Variants in LRP6 observed in about 807,000 individuals in gnomAD.
LRP6 encodes the protein LDL receptor related protein 6.
In LRP6, 43 loss-of-function variants were observed where a neutral mutation model predicts 184.1. The observed-to-expected ratio is 0.23, with a 90% CI of 0.18 to 0.30. The LOEUF is 0.30. Among genes scored for constraint, LRP6 ranks in the 10% least tolerant of loss-of-function variants. The probability of loss-of-function intolerance (pLI) is 1.00; values close to 1 mark genes in which losing one functional copy is unlikely to be tolerated. For missense variants in LRP6, 1,571 were observed against 2,005.3 expected (o/e 0.78, Z 4.14); for synonymous variants, 719 against 684.9 (o/e 1.05, Z -0.78).
intron 7 of LRP6, among the ~76,000 whole-genome samples, chr12:12,167,980 C>A (rs1033103549): frequency 2.0e-5 from 3 of 152,128 alleles, no homozygotes; most frequent in Non-Finnish European, 4.4e-5. Flanking sequence ...CAGCTACAGC[C>A]TCCCATTTCC....
intron 6 of LRP6, 152 bp downstream of exon 6, chr12:12,180,891 G>A (rs1863327818): frequency 1.3e-6 from 1 of 783,384 alleles, no homozygotes; most frequent in Non-Finnish European, 2.1e-6. Flanking sequence ...ACTTGAGATT[G>A]TATTCTAATC....
At chr12:12,161,206 A>G (rs746154099) in intron 10 of LRP6, among the ~76,000 whole-genome samples, 2 of 152,220 alleles carry the variant, frequency 1.3e-5, no homozygotes, top group African/African-American at 2.4e-5. Context: ...AATCAATGTC[A>G]CTTCAGGGAA....
chr12:12,145,137 T>A (rs1369737038), intron 15 of LRP6, among the ~76,000 whole-genome samples: 1 of 151,602 alleles, frequency 6.6e-6, no homozygotes, highest in African/African-American at 2.4e-5. Context: ...GAAAAAACAA[T>A]TATTCAAAAG....
intron 22 of LRP6, among the ~76,000 whole-genome samples, chr12:12,122,612 AAAAG>A (rs932253522): frequency 1.8e-4 from 27 of 152,164 alleles, no homozygotes; most frequent in Admixed American, 3.9e-4. Flanking sequence ...TAGTCTTTAA[AAAAG>A]AAAGAAAGAA....
At chr12:12,136,933 T>A (rs1440347740) in intron 16 of LRP6, among the ~76,000 whole-genome samples, 1 of 152,228 alleles carries the variant, frequency 6.6e-6, no homozygotes, top group African/African-American at 2.4e-5. Flanking sequence ...AGATTTTCTG[T>A]AATAAAATAT....
chr12:12,122,001 T>C (rs2284396), intron 22 of LRP6, among the ~76,000 whole-genome samples: 69,176 of 152,046 alleles, frequency 0.45, 16,743 homozygotes, highest in East Asian at 0.82. Context: ...ATTGCTGTGA[T>C]TGGGGGAAAC....
At chr12:12,201,362 G>GT (rs1863910861) in intron 3 of LRP6, among the ~76,000 whole-genome samples, 1 of 152,168 alleles carries the variant, frequency 6.6e-6, no homozygotes, top group Non-Finnish European at 1.5e-5. Context: ...AGCTTCTTCT[G>GT]TCTTTACCAT....
intron 3 of LRP6, among the ~76,000 whole-genome samples, chr12:12,196,351 G>A (rs1467574537): frequency 6.6e-6 from 1 of 151,862 alleles, no homozygotes; most frequent in Non-Finnish European, 1.5e-5. Context: ...CCATTTGTAT[G>A]TATCCCTCTT....
At chr12:12,233,141 T>TA (rs1218050488) in intron 2 of LRP6, among the ~76,000 whole-genome samples, 1 of 152,020 alleles carries the variant, frequency 6.6e-6, no homozygotes, top group Non-Finnish European at 1.5e-5. Flanking sequence ...CACAGGGGGA[T>TA]AAAAATAAGT....
chr12:12,266,885 T>G lies in LRP6; in HGVS notation c.-150A>C. 1 of 720,072 alleles carries G rather than the reference T, an allele frequency of 1.4e-6. No homozygotes were observed. The highest frequency in any genetic ancestry group is 2.4e-6 in the Non-Finnish European group (1 of 413,022). The allele number at this position is 720,072 out of a possible 1,614,324, so 44.6% of individuals were successfully genotyped here. On this transcript the variant is annotated 5_prime_UTR_variant, in exon 1 of 23. Coordinates refer to ENST00000261349, the MANE Select transcript of LRP6 (RefSeq NM_002336.3). ...GAAGAAAGAAAGGGGCACGTCAAGG[T>G]TCCGCGCGCGCCGCCGCCGCCCTCT...
At chr12:12,185,277 ACT>A (rs2137000731) in intron 4 of LRP6, among the ~76,000 whole-genome samples, 1 of 152,210 alleles carries the variant, frequency 6.6e-6, no homozygotes, top group African/African-American at 2.4e-5. Context: ...ACAGAGCAAG[ACT>A]CTATCTCAAA....
intron 1 of LRP6, 40 bp downstream of exon 1, chr12:12,266,641 C>A (rs200634101): frequency 3.8e-6 from 6 of 1,591,104 alleles, no homozygotes; most frequent in Admixed American, 3.4e-5. Flanking sequence ...CCACCTCCCC[C>A]CGAACCCCAC....
In LRP6 at chr12:12,131,984, C is replaced by A. The variant is rs752807428; in HGVS notation, c.3807G>T (p.Arg1269=). The A allele has an allele frequency of 2.2e-5, 35 of 1,613,980 alleles. No homozygotes were observed. Among genetic ancestry groups the A allele is most frequent in the Middle Eastern group, 1.6e-4 (1 of 6,082 alleles). ...CTTCACATTCAGTAAACCCATCGCA[C>A]CGCCAAGCCACAGGGATACAGTCAA... The part of the protein sequence containing the change: ...GEIDCIPVAW[R]CDGFTECEDH... The change falls in exon 18 of 23, where the codon CGG becomes CGT. Residue 1269 remains arginine, a synonymous_variant. Coordinates refer to ENST00000261349, the MANE Select transcript of LRP6 (RefSeq NM_002336.3).
At chr12:12,123,266 TCTTTCTC>T (rs1949628606) in intron 22 of LRP6, among the ~76,000 whole-genome samples, 1 of 152,244 alleles carries the variant, frequency 6.6e-6, no homozygotes, top group Non-Finnish European at 1.5e-5. Flanking sequence ...AAATTTTGTA[TCTTTCTC>T]CTTTCTCAAT....
intron 18 of LRP6, 134 bp from the exon 19 acceptor site, chr12:12,131,027 T>C (rs1306163660): frequency 3.2e-6 from 2 of 629,862 alleles, no homozygotes; most frequent in African/African-American, 3.7e-5. Context: ...AATATTATTC[T>C]CTGGAGTTCC....
At chr12:12,249,670 CAGAAGGAAGGAAGGAAGGAAGGAA>C (rs1415660316) in intron 1 of LRP6, among the ~76,000 whole-genome samples, 1 of 117,246 alleles carries the variant, frequency 8.5e-6, no homozygotes, top group African/African-American at 3.8e-5. Flanking sequence ...TGTGCTATAA[CAGAAGGAAGGAAGGAAGGAAGGAA>C]GGAAGGAAGG....
chr12:12,203,793 C>CA (rs900783094), intron 2 of LRP6, among the ~76,000 whole-genome samples: 1 of 151,730 alleles, frequency 6.6e-6, no homozygotes, highest in African/African-American at 2.4e-5. Context: ...ACAAACAAAA[C>CA]AAAAAAACAC....
chr12:12,216,095 C>T (rs912469681), intron 2 of LRP6, among the ~76,000 whole-genome samples: 3 of 152,108 alleles, frequency 2.0e-5, no homozygotes, highest in Admixed American at 6.5e-5. Context: ...ATCTTCAAAG[C>T]GGTTATGGTC....
intron 3 of LRP6, among the ~76,000 whole-genome samples, chr12:12,191,354 A>C (rs1863610535): frequency 6.6e-6 from 1 of 152,200 alleles, no homozygotes; most frequent in Admixed American, 6.5e-5. Context: ...AGAAAAAAGC[A>C]GAAAAAGTAA....
Sources: allele counts gnomAD v4.1 joint callset (sites outside exome capture counted in the v4.1 genomes callset), GRCh38; gene constraint gnomAD v4.1.1; transcripts MANE v1.5; gene names NCBI Gene and HGNC (gene_info 2026-07-23, HGNC 2026-07-21).